The following HYCC1 variants were observed in gnomAD, a reference collection of about 807,000 sequenced individuals.
HYCC1 encodes the protein hyccin PI4KA lipid kinase complex subunit 1.
chr7:22,895,879 T>C, the HYCC1 span, among the ~76,000 whole-genome samples: 1 of 152,340 alleles, frequency 6.6e-6, no homozygotes, highest in Non-Finnish European at 1.5e-5. Flanking sequence ...GATTTCCTTA[T>C]GTTGTACACA....
chr7:22,929,072 C>G, the HYCC1 span, among the ~76,000 whole-genome samples: 6 of 152,200 alleles, frequency 3.9e-5, no homozygotes, highest in East Asian at 1.9e-4. Flanking sequence ...ACAAACCTGA[C>G]AAAAACAAGC....
At chr7:22,922,865 A>C in the HYCC1 span, among the ~76,000 whole-genome samples, 1 of 152,232 alleles carries the variant, frequency 6.6e-6, no homozygotes, top group Non-Finnish European at 1.5e-5. Flanking sequence ...AGGAAGCTAT[A>C]ACAATTAGAA....
the HYCC1 span, chr7:22,938,970 A>T: frequency 9.2e-5 from 14 of 152,190 alleles, no homozygotes; most frequent in Admixed American, 2.0e-4. Context: ...TAGCAAACGT[A>T]AGTGTGTATT....
chr7:22,912,821 C>A, the HYCC1 span, among the ~76,000 whole-genome samples: 1 of 152,254 alleles, frequency 6.6e-6, no homozygotes, highest in Non-Finnish European at 1.5e-5. Flanking sequence ...CAAAGAGAAC[C>A]AAGGAAAGTG....
the HYCC1 span, among the ~76,000 whole-genome samples, chr7:22,977,650 A>G: frequency 6.6e-6 from 1 of 152,214 alleles, no homozygotes; most frequent in African/African-American, 2.4e-5. Flanking sequence ...GATGGCTGAG[A>G]TACAGATACA....
the HYCC1 span, among the ~76,000 whole-genome samples, chr7:22,985,344 T>C: frequency 6.6e-6 from 1 of 152,282 alleles, no homozygotes; most frequent in Middle Eastern, 3.4e-3. Context: ...AGAACTGTCT[T>C]ATCATCTCTG....
chr7:22,930,291 A>G, the HYCC1 span, among the ~76,000 whole-genome samples: 1 of 150,722 alleles, frequency 6.6e-6, no homozygotes, highest in South Asian at 2.1e-4. Context: ...ATGTATACAT[A>G]TGTAACAAAC....
the HYCC1 span, among the ~76,000 whole-genome samples, chr7:22,907,759 A>T: frequency 6.6e-6 from 1 of 152,036 alleles, no homozygotes; most frequent in Non-Finnish European, 1.5e-5. Flanking sequence ...AAAAAATACA[A>T]AAGTTAGCTG....
the HYCC1 span, among the ~76,000 whole-genome samples, chr7:22,899,415 C>A: frequency 6.6e-6 from 1 of 152,052 alleles, no homozygotes; most frequent in African/African-American, 2.4e-5. Flanking sequence ...TAAGGATATC[C>A]AATAAGTTAA....
the HYCC1 span, among the ~76,000 whole-genome samples, chr7:22,986,061 G>C: frequency 1.5e-4 from 23 of 151,302 alleles, no homozygotes; most frequent in South Asian, 4.8e-3. Context: ...GCTAAAACTA[G>C]ATCATTCATT....
the HYCC1 span, chr7:22,947,136 G>A: frequency 6.5e-7 from 1 of 1,550,374 alleles, no homozygotes; most frequent in Admixed American, 2.0e-5. Context: ...CTCTCCTAGT[G>A]TTCTGCCTTT....
the HYCC1 span, among the ~76,000 whole-genome samples, chr7:22,906,413 A>C: frequency 6.6e-6 from 1 of 152,222 alleles, no homozygotes; most frequent in Non-Finnish European, 1.5e-5. Flanking sequence ...CCCCACGTCT[A>C]CTAAAAATAC....
the HYCC1 span, among the ~76,000 whole-genome samples, chr7:22,951,846 CAA>C: frequency 6.6e-6 from 1 of 151,442 alleles, no homozygotes; most frequent in Non-Finnish European, 1.5e-5. Context: ...AACAAAATAC[CAA>C]AAAAGTTTAA....
At chr7:22,942,506 C>T in the HYCC1 span, 1 of 152,134 alleles carries the variant, frequency 6.6e-6, no homozygotes, top group Non-Finnish European at 1.5e-5. Flanking sequence ...TTCCAAAAAG[C>T]TAGTGCTGGC....
the HYCC1 span, chr7:22,942,711 A>C: frequency 5.3e-5 from 8 of 152,308 alleles, no homozygotes; most frequent in East Asian, 1.5e-3. Flanking sequence ...GATACTTAGG[A>C]GATCTGTGAC....
the HYCC1 span, chr7:22,983,863 C>G: frequency 1.2e-6 from 1 of 818,190 alleles, no homozygotes; most frequent in Non-Finnish European, 2.1e-6. Flanking sequence ...TTTTCTTACC[C>G]CTTTATATCT....
the HYCC1 span, among the ~76,000 whole-genome samples, chr7:22,896,516 A>G: frequency 6.6e-6 from 1 of 152,246 alleles, no homozygotes; most frequent in African/African-American, 2.4e-5. Context: ...TAGCCCAGAA[A>G]GAAACAACTC....
chr7:22,977,495 T>C, the HYCC1 span: 2 of 879,696 alleles, frequency 2.3e-6, no homozygotes, highest in Non-Finnish European at 3.6e-6. Context: ...ATTTAAATAG[T>C]CTAAAACATT....
chr7:22,947,386 C>T, the HYCC1 span: 8 of 648,328 alleles, frequency 1.2e-5, no homozygotes, highest in Non-Finnish European at 2.1e-5. Flanking sequence ...GTAGTAATTT[C>T]CATAATTTAT....
Sources: allele counts gnomAD v4.1 joint callset (sites outside exome capture counted in the v4.1 genomes callset), GRCh38; gene constraint gnomAD v4.1.1; transcripts MANE v1.5; gene names NCBI Gene and HGNC (gene_info 2026-07-23, HGNC 2026-07-21).